ZNF564: variants seen among roughly 807,000 people sequenced by gnomAD.
ZNF564 encodes zinc finger protein 564.
Under a neutral mutation model 10.5 loss-of-function variants are expected in ZNF564, and 5 were observed. The ratio of observed to expected loss-of-function variants is 0.48; its 90% CI spans 0.25 to 1.00. ZNF564 has a LOEUF of 1.00. ZNF564 is among the 50% of genes least tolerant of loss of function. The pLI is 0.16. For missense variants in ZNF564, 603 were observed against 669.7 expected, an observed-to-expected ratio of 0.90 and a Z score of 1.10; for synonymous variants, 242 against 218.1, an observed-to-expected ratio of 1.11 and a Z score of -0.97.
Position 12,526,539 on chromosome 19 carries a change from A to G in ZNF564, c.1569T>C (p.His523=). The change falls in exon 4 of 4, where the codon CAT becomes CAC. Residue 523 remains histidine (H), a synonymous_variant. Coordinates refer to ENST00000339282, the MANE Select transcript of ZNF564 (RefSeq NM_144976.4). ...GTTTATCTCCATTATGAGCTCTTTC[A>G]TGTCTTTGAAAGGAACTGGAATAAC... ...TFSYSSSFQR[H]ERAHNGDKPY... 3 of 1,613,890 alleles carry G rather than the reference A, an allele frequency of 1.9e-6. No individual in the cohort carries two copies. The highest frequency in any genetic ancestry group is 1.6e-4 in the Middle Eastern group (1 of 6,062).
At chr19:12,528,938 C>A (rs1323052602) in intron 1 of ZNF564, among the ~76,000 whole-genome samples, 1 of 152,104 alleles carries the variant, frequency 6.6e-6, no homozygotes, top group East Asian at 1.9e-4. Context: ...GTGGCGTATG[C>A]CTGTTAATCC....
At position 12,527,882 on chromosome 19, in the gene ZNF564, C is replaced by A. The variant is rs1167602247; in HGVS notation, c.226G>T (p.Glu76Ter). Residue 76 changes from glutamate (E) to a stop codon, truncating the protein, a stop_gained, in exon 4 of 4, where the codon GAA becomes TAA. Coordinates refer to ENST00000339282, the MANE Select transcript of ZNF564 (RefSeq NM_144976.4). LOFTEE classifies it low-confidence loss of function (END_TRUNC). Reference protein sequence around the residue: ...HMEEGLSESKEYDQCGEAFSQ... With the variant: ...HMEEGLSESK ...AAGGCTTCTCCACATTGATCATATT[C>A]TTTACTTTCACTGAGTCCCTCTTCC... 1.9e-6 allele frequency: 3 copies of A among 1,610,000 alleles called. No individual in the cohort carries two copies. The highest frequency in any genetic ancestry group is 8.5e-7 in the Non-Finnish European group (1 of 1,177,772).
intron 1 of ZNF564, among the ~76,000 whole-genome samples, chr19:12,547,412 T>C (rs1396581988): frequency 6.6e-6 from 1 of 152,156 alleles, no homozygotes; most frequent in East Asian, 1.9e-4. Flanking sequence ...TCTACTGCTT[T>C]CACCTTTTCG....
In ZNF564 at chr19:12,549,310, G is replaced by T. The variant is rs139777691; in HGVS notation, c.3+2020C>A. Among the ~76,000 whole-genome samples the T allele has an allele frequency of 2.1e-3, 319 of 152,216 alleles. 4 individuals are homozygous for T. Among genetic ancestry groups the T allele is most frequent in the Admixed American group, 0.019 (288 of 15,294 alleles). On this transcript the variant is annotated intron_variant, in intron 1 of 3. Coordinates refer to ENST00000339282, the MANE Select transcript of ZNF564 (RefSeq NM_144976.4). ...TACAAACCCAGGGAGAGGCAATGCT[G>T]ACCTGGAATACAGACATTTATCTGA...
In ZNF564 at chr19:12,527,452, T is replaced by C. The variant is rs763681405; in HGVS notation, c.656A>G (p.His219Arg). The change falls in exon 4 of 4, where the codon CAC (histidine) becomes CGC (arginine). Residue 219 changes from histidine (H) to arginine (R), a missense_variant. By Grantham distance (29) the His-to-Arg change is conservative. Coordinates refer to ENST00000339282, the MANE Select transcript of ZNF564 (RefSeq NM_144976.4). The part of the protein sequence containing the change: ...PSLFQIHERT[H>R]TGEKPYECQE... ...ACATTCATAGGGTTTCTCTCCAGTG[T>C]GAGTTCTTTCATGTATCTGAAATAA... 6 of 1,614,054 alleles carry C rather than the reference T, an allele frequency of 3.7e-6. No homozygotes were observed. Among genetic ancestry groups the C allele is most frequent in the African/African-American group, 2.7e-5 (2 of 74,952 alleles).
chr19:12,544,428 C>T lies in ZNF564; in HGVS notation c.3+6902G>A, dbSNP rs191632617. Among the ~76,000 whole-genome samples, 5 of 152,276 alleles carry T rather than the reference C, an allele frequency of 3.3e-5. No homozygotes were observed. In the East Asian group the frequency reaches 9.7e-4, roughly 29 times the overall value. The stretch of plus-strand genomic sequence containing the variant: ...TTAAAATTGTATGCTACCTCAGAAG[C>T]CACTTTGAATATGGCTTTAACTTTC... On this transcript the variant is annotated intron_variant, in intron 1 of 3. Coordinates refer to ENST00000339282, the MANE Select transcript of ZNF564 (RefSeq NM_144976.4).
In ZNF564 at chr19:12,527,342, G is replaced by A. The variant is rs1286121601; in HGVS notation, c.766C>T (p.Gln256Ter). The A allele has an allele frequency of 3.7e-6, 6 of 1,613,298 alleles. No individual in the cohort carries two copies. The highest frequency in any genetic ancestry group is 5.1e-6 in the Non-Finnish European group (6 of 1,179,834). The change falls in exon 4 of 4, where the codon CAG becomes TAG. Residue 256 changes from glutamine (Q) to a stop codon, truncating the protein, a stop_gained. Transcript: ENST00000339282. LOFTEE classifies it low-confidence loss of function (END_TRUNC). ...CGGTCAAAGGCTTTTCCACATTCCT[G>A]ACATTTATAAGGTCCATCTCCAGTG... ...RHTGDGPYKC[Q>*]ECGKAFDRPS... is the part of the protein sequence containing the mutation.
intron 1 of ZNF564, among the ~76,000 whole-genome samples, chr19:12,536,567 C>G (rs2021918337): frequency 6.6e-6 from 1 of 152,140 alleles, no homozygotes; most frequent in African/African-American, 2.4e-5. Flanking sequence ...TGTTTAGGAG[C>G]CCTGCACTGT....
Position 12,526,608 on chromosome 19 carries a change from G to A in ZNF564, c.1500C>T (p.Thr500=), listed in dbSNP as rs571292569. ...GCTTACATTCATAGGGTTTTTCTCCGGTATGAGTTCTTTCATGTATTCTAA... is the reference window on the plus strand; with the variant it reads ...GCTTACATTCATAGGGTTTTTCTCCAGTATGAGTTCTTTCATGTATTCTAA... ...SSIRIHERTH[T]GEKPYECKQC... Residue 500 remains threonine (T), a synonymous_variant, in exon 4 of 4, where the codon ACC becomes ACT. Coordinates refer to ENST00000339282, the MANE Select transcript of ZNF564 (RefSeq NM_144976.4). 98 of 1,613,810 alleles carry A rather than the reference G, an allele frequency of 6.1e-5. No individual in the cohort carries two copies. The highest frequency in any genetic ancestry group is 4.9e-4 in the Middle Eastern group (3 of 6,082).
chr19:12,542,769 C>T (rs879781603), intron 1 of ZNF564, among the ~76,000 whole-genome samples: 17 of 152,008 alleles, frequency 1.1e-4, no homozygotes, highest in Admixed American at 2.0e-4. Context: ...TTTGGGAGGC[C>T]GAGGTGGGTG....
In ZNF564 at chr19:12,527,317, C is replaced by T. The variant is rs199502412; in HGVS notation, c.791G>A (p.Arg264His). ...KCQECGKAFD[R>H]PSLFRIHERT... ...TTCATGTATTCGAAATAAACTGGGG[C>T]GGTCAAAGGCTTTTCCACATTCCTG... is the stretch of plus-strand genomic sequence containing the variant. Residue 264 changes from arginine to histidine, a missense_variant, in exon 4 of 4, where the codon CGC becomes CAC. Arg to His is a conservative substitution (Grantham distance 29). Transcript: ENST00000339282. The T allele has an allele frequency of 7.2e-5, 116 of 1,613,666 alleles. No homozygotes were observed. Among genetic ancestry groups the T allele is most frequent in the Middle Eastern group, 1.6e-4 (1 of 6,084 alleles).
At chr19:12,549,708 G>T (rs941059287) in intron 1 of ZNF564, among the ~76,000 whole-genome samples, 1 of 152,108 alleles carries the variant, frequency 6.6e-6, no homozygotes, top group Non-Finnish European at 1.5e-5. Context: ...GGGATACCGG[G>T]AGACTCCTCC....
At chr19:12,534,951 G>T (rs532514717) in intron 1 of ZNF564, among the ~76,000 whole-genome samples, 35 of 152,118 alleles carry the variant, frequency 2.3e-4, no homozygotes, top group African/African-American at 8.4e-4. Context: ...ATAATTTCTA[G>T]AATTTAGAGT....
rs2021739419 is a variant in ZNF564 at position 12,528,649 on chromosome 19, C to T, written c.51G>A (p.Glu17=). 6.2e-7 allele frequency: 1 copy of T among 1,613,888 alleles called. No individual in the cohort carries two copies. ...TCTGGGAAGGATCCAGCAAAGCCCA[C>T]TCCTCAAGTGTGAAGTTCACAGCCA... is the stretch of plus-strand genomic sequence containing the variant. The part of the protein sequence containing the change: ...EDVAVNFTLE[E]WALLDPSQKK... Residue 17 remains glutamate (E), a synonymous_variant, in exon 2 of 4, where the codon GAG becomes GAA. Coordinates refer to ENST00000339282, the MANE Select transcript of ZNF564 (RefSeq NM_144976.4).
intron 1 of ZNF564, among the ~76,000 whole-genome samples, chr19:12,531,222 T>C (rs573247977): frequency 6.6e-6 from 1 of 152,252 alleles, no homozygotes; most frequent in Admixed American, 6.5e-5. Flanking sequence ...AAGAACAACA[T>C]GATAGCTTCC....
chr19:12,542,014 CAAAAAAAAA>C (rs74180077), intron 1 of ZNF564, among the ~76,000 whole-genome samples: 28 of 56,262 alleles, frequency 5.0e-4, no homozygotes, highest in African/African-American at 7.5e-4. Context: ...AGACTCTGTC[CAAAAAAAAA>C]AAAAAAAAAA....
At chr19:12,536,957 T>C (rs1414826707) in intron 1 of ZNF564, among the ~76,000 whole-genome samples, 8 of 152,214 alleles carry the variant, frequency 5.3e-5, no homozygotes, top group Admixed American at 5.2e-4. Flanking sequence ...ACTTTTTACC[T>C]GTCAATCTCC....
chr19:12,543,778 G>C (rs564833645), intron 1 of ZNF564, among the ~76,000 whole-genome samples: 2 of 151,552 alleles, frequency 1.3e-5, no homozygotes, highest in African/African-American at 4.8e-5. Context: ...GCCTGAATCT[G>C]TGTGTCCCTC....
intron 1 of ZNF564, among the ~76,000 whole-genome samples, chr19:12,549,630 T>A (rs1038964658): frequency 6.6e-6 from 1 of 152,170 alleles, no homozygotes; most frequent in African/African-American, 2.4e-5. Context: ...AATGTGTCCC[T>A]AAGGAACGGA....
Sources: gnomAD v4.1 joint callset for allele counts (sites outside exome capture counted in the v4.1 genomes callset) on GRCh38, gnomAD v4.1.1 for gene constraint, MANE v1.5 for transcripts, NCBI Gene and HGNC (gene_info 2026-07-23, HGNC 2026-07-21) for gene names.